Variants in CACNA1A observed in about 807,000 individuals in gnomAD.
The protein encoded by CACNA1A is calcium voltage-gated channel subunit alpha1 A.
A neutral mutation model predicts 262.4 loss-of-function variants in CACNA1A; 57 were observed. The ratio of observed to expected loss-of-function variants is 0.22; its 90% CI spans 0.18 to 0.27. CACNA1A has a LOEUF of 0.27. CACNA1A is among the 10% of genes least tolerant of loss of function. The pLI is 1.00. For missense variants in CACNA1A, 2,526 were observed against 3,562.8 expected, an observed-to-expected ratio of 0.71 and a Z score of 7.41; for synonymous variants, 1,431 against 1,419.3, an observed-to-expected ratio of 1.01 and a Z score of -0.18.
At position 13,207,454 on chromosome 19, in the gene CACNA1A, CG is replaced by C. The variant is rs2054608244; in HGVS notation, c.7379del (p.Pro2460ArgfsTer148). On this transcript the variant is annotated frameshift_variant, in exon 47 of 47. Transcript: ENST00000360228. LOFTEE classifies it high-confidence loss of function. This position sits in a 1 kb window ranked among gnomAD's most constrained non-coding sequence, Gnocchi z 5.7. ...CGTGCCGAGAAGGCGAGGCGCAGGC[CG>C]GGCCCGAGGCCCGGGGAGTCCTGGG... The part of the protein sequence containing the change: ...RSPRTPRASG[P>X]ACASPSRHGR... The C allele has an allele frequency of 6.7e-7, 1 of 1,502,872 alleles. No individual in the cohort carries two copies. The highest frequency in any genetic ancestry group is 8.9e-7 in the Non-Finnish European group (1 of 1,129,282). 93.1% of individuals were successfully genotyped at this position (1,502,872 alleles called of 1,614,324 possible). A position where few individuals can be genotyped will look rare whatever the true frequency, so the allele number is the denominator to read the frequency against.
chr19:13,208,366 G>A (rs1052239883), intron 46 of CACNA1A, among the ~76,000 whole-genome samples: 1 of 152,084 alleles, frequency 6.6e-6, no homozygotes, highest in Non-Finnish European at 1.5e-5. Context: ...AAAAATAGCA[G>A]AAGTTTCAAA....
Position 13,285,065 on chromosome 19 carries a change from C to CA in CACNA1A, c.3692+2dup, listed in dbSNP as rs1279610608. On this transcript the variant is annotated splice_region_variant and intron_variant, in intron 21 of 46. Coordinates refer to ENST00000360228, the MANE Select transcript of CACNA1A (RefSeq NM_001127222.2). ...CCCTGCCCTTGCTGGGGGCCATACT[C>CA]ACGGGTTGGTCGTGGACAGGATGAA... 6.2e-7 allele frequency: 1 copy of CA among 1,614,018 alleles called. No homozygotes were observed.
chr19:13,485,066 A>G (rs1407300374), intron 1 of CACNA1A, among the ~76,000 whole-genome samples: 1 of 152,218 alleles, frequency 6.6e-6, no homozygotes, highest in Non-Finnish European at 1.5e-5. Flanking sequence ...TGTGGCTTCA[A>G]AGGTTGAGTA....
intron 3 of CACNA1A, among the ~76,000 whole-genome samples, chr19:13,398,464 CTT>C (rs1292808360): frequency 6.6e-6 from 1 of 152,164 alleles, no homozygotes; most frequent in Admixed American, 6.6e-5. Flanking sequence ...GGATTTGCCT[CTT>C]TGGTTCACTG....
intron 1 of CACNA1A, among the ~76,000 whole-genome samples, chr19:13,455,834 C>T (rs920141316): frequency 6.9e-6 from 1 of 144,010 alleles, no homozygotes; most frequent in Non-Finnish European, 1.5e-5. Context: ...TATACCACTG[C>T]ACTCCAGCCT....
intron 2 of CACNA1A, among the ~76,000 whole-genome samples, 184 bp downstream of exon 2, chr19:13,454,923 C>T (rs2060980024): frequency 6.6e-6 from 1 of 152,050 alleles, no homozygotes; most frequent in Non-Finnish European, 1.5e-5. Flanking sequence ...TGAACCACTG[C>T]ACTCCAGCCT....
chr19:13,292,808 T>C (rs769908431), intron 19 of CACNA1A, among the ~76,000 whole-genome samples: 1 of 152,176 alleles, frequency 6.6e-6, no homozygotes, highest in Non-Finnish European at 1.5e-5. Flanking sequence ...TCTTTGCCAC[T>C]TTTTTTAAAG....
intron 34 of CACNA1A, 28 bp downstream of exon 34, chr19:13,234,891 CAG>C (rs1186319876): frequency 2.7e-6 from 4 of 1,492,126 alleles, no homozygotes; most frequent in African/African-American, 1.4e-5. Context: ...CCCACGGAAA[CAG>C]AATTATCAGA....
At chr19:13,502,695 G>T (rs1301508492) in intron 1 of CACNA1A, among the ~76,000 whole-genome samples, 1 of 152,196 alleles carries the variant, frequency 6.6e-6, no homozygotes, top group Non-Finnish European at 1.5e-5. Flanking sequence ...CACTTAGGAA[G>T]AGGGGAAAAA....
chr19:13,254,997 G>T, intron 29 of CACNA1A, 98 bp downstream of exon 29: 3 of 1,262,708 alleles, frequency 2.4e-6, no homozygotes, highest in Non-Finnish European at 2.3e-6. Context: ...CCAGAGTGTG[G>T]TCTGTCTGGG....
chr19:13,250,986 G>T (rs1172718030), intron 30 of CACNA1A, among the ~76,000 whole-genome samples: 1 of 150,822 alleles, frequency 6.6e-6, no homozygotes, highest in Non-Finnish European at 1.5e-5. Flanking sequence ...ATAAAAATTA[G>T]CCTGGCATGC....
At chr19:13,235,894 G>A in intron 31 of CACNA1A, 164 bp from the exon 32 acceptor site, 3 of 572,872 alleles carry the variant, frequency 5.2e-6, no homozygotes, top group Admixed American at 6.1e-5. Flanking sequence ...ATGATGCAGA[G>A]GAAAAACTCG....
rs1600245661 is a variant in CACNA1A at position 13,286,642 on chromosome 19, C to T, written c.3414G>A (p.Lys1138=). ...PGNPSNPGPP[K]TPENSLIVTN... Reference sequence around the variant, plus strand: ...TGACGATAAGGCTATTCTCGGGGGTCTTGGGGGGGCCGGGATTGGATGGGT... The same window carrying T: ...TGACGATAAGGCTATTCTCGGGGGTTTTGGGGGGGCCGGGATTGGATGGGT... The change falls in exon 20 of 47, where the codon AAG becomes AAA. Residue 1138 remains lysine, a synonymous_variant. Transcript: ENST00000360228. 4.6e-6 allele frequency: 7 copies of T among 1,536,742 alleles called. No individual in the cohort carries two copies. The East Asian group carries it at 1.6e-4, about 35-fold the overall frequency.
chr19:13,453,425 G>A (rs560039050), intron 2 of CACNA1A, among the ~76,000 whole-genome samples: 1 of 152,360 alleles, frequency 6.6e-6, no homozygotes, highest in South Asian at 2.1e-4. Context: ...AGGGCAGATG[G>A]AGATCATTTC....
intron 3 of CACNA1A, among the ~76,000 whole-genome samples, chr19:13,381,179 G>A (rs916699453): frequency 2.0e-5 from 3 of 152,004 alleles, no homozygotes; most frequent in Non-Finnish European, 4.4e-5. Context: ...GAGGCCAGGA[G>A]TTCCAGACCA....
At chr19:13,366,229 T>C (rs563201285) in intron 4 of CACNA1A, 94 of 152,362 alleles carry the variant, frequency 6.2e-4, no homozygotes, top group African/African-American at 2.1e-3. Flanking sequence ...TCCAAAGTTC[T>C]GGGATTACAG....
Position 13,228,751 on chromosome 19 carries a change from A to G in CACNA1A, c.5529-1224T>C. The G allele has an allele frequency of 6.3e-7, 1 of 1,599,668 alleles. No individual in the cohort carries two copies. The highest frequency in any genetic ancestry group is 8.5e-7 in the Non-Finnish European group (1 of 1,172,698). On this transcript the variant is annotated intron_variant, in intron 36 of 46. Coordinates refer to ENST00000360228, the MANE Select transcript of CACNA1A (RefSeq NM_001127222.2). The stretch of plus-strand genomic sequence containing the variant: ...CTTGCCTAAGCCGAGAGGGGGAGAT[A>G]TTACTCGTAATAAACTGTACATATC...
At chr19:13,378,751 C>T (rs535089503) in intron 3 of CACNA1A, among the ~76,000 whole-genome samples, 182 of 151,900 alleles carry the variant, frequency 1.2e-3, no homozygotes, top group African/African-American at 3.9e-3. Flanking sequence ...CAATCTCCCC[C>T]CCGCCTCCCA....
chr19:13,367,915 G>C (rs2059246313), intron 4 of CACNA1A, among the ~76,000 whole-genome samples: 1 of 152,102 alleles, frequency 6.6e-6, no homozygotes, highest in African/African-American at 2.4e-5. Context: ...CATGGCGGCT[G>C]AATTACTCTG....
Sources: allele counts gnomAD v4.1 joint callset (sites outside exome capture counted in the v4.1 genomes callset), GRCh38; gene constraint gnomAD v4.1.1; non-coding constraint Gnocchi (gnomAD v3.1); transcripts MANE v1.5; gene names NCBI Gene and HGNC (gene_info 2026-07-23, HGNC 2026-07-21).